HSPG2: variants seen among roughly 807,000 people sequenced by gnomAD.
HSPG2 encodes heparan sulfate proteoglycan 2.
In HSPG2, 278 loss-of-function variants were observed where a neutral mutation model predicts 526.6. The ratio of observed to expected loss-of-function variants is 0.53; its 90% CI spans 0.48 to 0.58. The LOEUF is 0.58. Ranked by LOEUF, HSPG2 falls within the 20% of genes least tolerant of loss-of-function variation. The probability of loss-of-function intolerance (pLI) is 0.00; values close to 1 mark genes in which losing one functional copy is unlikely to be tolerated. For missense variants in HSPG2, 5,354 were observed against 6,099.5 expected (o/e 0.88, Z 4.07); for synonymous variants, 2,465 against 2,555.4 (o/e 0.96, Z 1.07).
chr1:21,857,240 C>T (rs889758267), intron 43 of HSPG2, 45 bp from the exon 44 acceptor site: 43 of 1,613,770 alleles, frequency 2.7e-5, no homozygotes, highest in Non-Finnish European at 3.2e-5. Context: ...GCTCAGAGAC[C>T]CCAGAAGACA....
At position 21,890,680 on chromosome 1, in the gene HSPG2, G is replaced by T; in HGVS notation, c.259C>A (p.Leu87Met). The stretch of plus-strand genomic sequence containing the variant: ...TCGATGGAGCGAGTGAAATTCACCA[G>T]GGCTCGGAAATAAACTGGAAAATCG... ...GDFQMVYFRALVNFTRSIEYS... is the reference protein window; with the variant it reads ...GDFQMVYFRAMVNFTRSIEYS... Residue 87 changes from leucine to methionine, a missense_variant, in exon 4 of 97, where the codon CTG becomes ATG. Coordinates refer to ENST00000374695, the MANE Select transcript of HSPG2 (RefSeq NM_005529.7). The surrounding 1 kb of genome is among the most constrained non-coding windows in gnomAD (Gnocchi z 4.1). The T allele has an allele frequency of 6.2e-7, 1 of 1,613,558 alleles. No homozygotes were observed.
rs1185918841 is a variant in HSPG2 at position 21,847,705 on chromosome 1, A to G, written c.8009T>C (p.Leu2670Pro). 3.1e-6 allele frequency: 5 copies of G among 1,609,598 alleles called. No homozygotes were observed. In the African/African-American group the frequency reaches 5.4e-5, roughly 17 times the overall value. ...ACTCTGTACCTGGTGTCGGGAGGGAAGGCTGCCCCCACGCTTGTACCATGT... is the reference window on the plus strand; with the variant it reads ...ACTCTGTACCTGGTGTCGGGAGGGAGGGCTGCCCCCACGCTTGTACCATGT... The part of the protein sequence containing the change: ...IITWYKRGGS[L>P]PSRHQTHGSH... Residue 2670 changes from leucine to proline, a missense_variant, in exon 61 of 97, where the codon CTT becomes CCT. Coordinates refer to ENST00000374695, the MANE Select transcript of HSPG2 (RefSeq NM_005529.7). The surrounding 1 kb of genome is among the most constrained non-coding windows in gnomAD (Gnocchi z 4.1).
Position 21,824,600 on chromosome 1 carries a change from G to A in HSPG2, c.12681C>T (p.Pro4227=), listed in dbSNP as rs201084549. 7.4e-6 allele frequency: 12 copies of A among 1,613,882 alleles called. No homozygotes were observed. Among genetic ancestry groups the A allele is most frequent in the East Asian group, 4.5e-5 (2 of 44,900 alleles). Residue 4227 remains proline, a synonymous_variant, in exon 93 of 97, where the codon CCC becomes CCT. Transcript: ENST00000374695. This position sits in a 1 kb window ranked among gnomAD's most constrained non-coding sequence, Gnocchi z 5.9. ...HVFSRSLPEV[P]ETIELEVRTS... ...TCCGAACCTCCAGCTCGATGGTCTC[G>A]GGCACCTCGGGCAGGCTGCGGAGGA... is the stretch of plus-strand genomic sequence containing the variant.
At position 21,832,509 on chromosome 1, in the gene HSPG2, TC is replaced by T; in HGVS notation, c.11192del (p.Gly3731GlufsTer30). On this transcript the variant is annotated frameshift_variant, in exon 81 of 97. Transcript: ENST00000374695. LOFTEE classifies it high-confidence loss of function. ...GGGGGTCTCACCGGAACTCGGGCCT[TC>T]CCCCCACGAGGCCGAAGGAGATGAA... ...PDFISFGLVG[G>X]RPEFRFDAGS... 1 of 1,613,716 alleles carries T rather than the reference TC, an allele frequency of 6.2e-7. No homozygotes were observed. Among genetic ancestry groups the T allele is most frequent in the Non-Finnish European group, 8.5e-7 (1 of 1,179,698 alleles).
In HSPG2 at chr1:21,833,582, C is replaced by T. The variant is rs576324046; in HGVS notation, c.10863G>A (p.Leu3621=). Residue 3621 remains leucine (L), a synonymous_variant, in exon 79 of 97, where the codon CTG becomes CTA. Coordinates refer to ENST00000374695, the MANE Select transcript of HSPG2 (RefSeq NM_005529.7). ...AGGGCAGCATCAGCATGTTGTTCTC[C>T]AGGCGGCTGTCAGGTGGCAGGCTGC... ...LDGSLPPDSR[L]ENNMLMLPSV... 131 of 1,614,076 alleles carry T rather than the reference C, an allele frequency of 8.1e-5. No individual in the cohort carries two copies. In the East Asian group the frequency reaches 2.9e-3, roughly 36 times the overall value.
intron 49 of HSPG2, 117 bp from the exon 50 acceptor site, chr1:21,854,460 C>G: frequency 6.8e-7 from 1 of 1,465,886 alleles, no homozygotes; most frequent in Non-Finnish European, 9.2e-7. Flanking sequence ...CCATCCCATG[C>G]TAGAAACTGG....
Position 21,859,708 on chromosome 1 carries a change from CAG to C in HSPG2, c.5183-34_5183-33del, listed in dbSNP as rs746743196. The C allele has an allele frequency of 1.3e-6, 2 of 1,587,862 alleles. No individual in the cohort carries two copies. The highest frequency in any genetic ancestry group is 1.7e-6 in the Non-Finnish European group (2 of 1,165,440). ...GGGAGGAGACAAGAGCTTGTTGGTG[CAG>C]ATACACTCTTTCTCACATCCAGCCC... On this transcript the variant is annotated intron_variant, in intron 41 of 96. Coordinates refer to ENST00000374695, the MANE Select transcript of HSPG2 (RefSeq NM_005529.7). This position sits in a 1 kb window ranked among gnomAD's most constrained non-coding sequence, Gnocchi z 5.3.
intron 3 of HSPG2, among the ~76,000 whole-genome samples, chr1:21,894,397 G>A (rs1330985456): frequency 6.6e-6 from 1 of 152,106 alleles, no homozygotes; most frequent in East Asian, 1.9e-4. Context: ...GGGACCCCAG[G>A]ATCAGGGAGG....
chr1:21,824,502 G>A lies in HSPG2; in HGVS notation c.12744+35C>T, dbSNP rs374952895. The A allele has an allele frequency of 1.2e-6, 2 of 1,610,196 alleles. No homozygotes were observed. Among genetic ancestry groups the A allele is most frequent in the Non-Finnish European group, 1.7e-6 (2 of 1,178,320 alleles). On this transcript the variant is annotated intron_variant, in intron 93 of 96. Coordinates refer to ENST00000374695, the MANE Select transcript of HSPG2 (RefSeq NM_005529.7). This position sits in a 1 kb window ranked among gnomAD's most constrained non-coding sequence, Gnocchi z 5.9. Reference sequence around the variant, plus strand: ...CCAGGAAGCCAGCTTCCTGCCCCAGGAGCCCCAAGAGCCCAGCCGGATACC... The same window carrying A: ...CCAGGAAGCCAGCTTCCTGCCCCAGAAGCCCCAAGAGCCCAGCCGGATACC...
At chr1:21,884,191 G>C (rs1003517403) in intron 13 of HSPG2, among the ~76,000 whole-genome samples, 1 of 152,064 alleles carries the variant, frequency 6.6e-6, no homozygotes, top group Non-Finnish European at 1.5e-5. Context: ...CACACCCCCC[G>C]ACTTTACAGA....
rs1461895766 is a variant in HSPG2 at position 21,842,848 on chromosome 1, C to G, written c.8832G>C (p.Leu2944=). 6.2e-7 allele frequency: 1 copy of G among 1,614,124 alleles called. No homozygotes were observed. The highest frequency in any genetic ancestry group is 8.5e-7 in the Non-Finnish European group (1 of 1,180,034). Residue 2944 remains leucine (L), a synonymous_variant, in exon 67 of 97, where the codon CTG becomes CTC. Transcript: ENST00000374695. ...SHVTEGQTLD[L]NCVVPGQAHA... is the part of the protein sequence containing the mutation. ...GGGCCTGCCCGGGCACCACACAGTT[C>G]AGATCCAGAGTCTGCCCTTCAGTCA...
chr1:21,889,900 G>T, intron 6 of HSPG2, 81 bp downstream of exon 6: 2 of 1,454,092 alleles, frequency 1.4e-6, no homozygotes, highest in Admixed American at 1.7e-5. Flanking sequence ...GCAAGCCCAA[G>T]TTGGGAGCCT....
chr1:21,830,422 C>A (rs988099973), intron 85 of HSPG2: 7 of 384,882 alleles, frequency 1.8e-5, no homozygotes, highest in Non-Finnish European at 3.4e-5. Context: ...CGTGGGGGCT[C>A]ATGCCTGTAA....
At position 21,839,896 on chromosome 1, in the gene HSPG2, G is replaced by A. The variant is rs1019470854; in HGVS notation, c.9635C>T (p.Pro3212Leu). ...CTCAGCTTCTTCAGCTTGGACCTGAGGGGCCCCTGGGGCCATGGCGCCCGT... is the reference window on the plus strand; with the variant it reads ...CTCAGCTTCTTCAGCTTGGACCTGAAGGGCCCCTGGGGCCATGGCGCCCGT... ...VDTGAMAPGA[P>L]QVQAEEAELT... The change falls in exon 72 of 97, where the codon CCT (proline) becomes CTT (leucine). Residue 3212 changes from proline (P) to leucine (L), a missense_variant. Pro to Leu is a moderately conservative substitution (Grantham distance 98). Coordinates refer to ENST00000374695, the MANE Select transcript of HSPG2 (RefSeq NM_005529.7). The surrounding 1 kb of genome is among the most constrained non-coding windows in gnomAD (Gnocchi z 4.5). The A allele has an allele frequency of 6.2e-7, 1 of 1,613,966 alleles. No homozygotes were observed. The highest frequency in any genetic ancestry group is 8.5e-7 in the Non-Finnish European group (1 of 1,179,990).
At position 21,863,407 on chromosome 1, in the gene HSPG2, G is replaced by A. The variant is rs1327615956; in HGVS notation, c.4740+693C>T. 7.9e-5 allele frequency among the ~76,000 whole-genome samples: 12 copies of A among 151,690 alleles called. No individual in the cohort carries two copies. The East Asian group carries it at 1.9e-3, about 24-fold the overall frequency. Reference sequence around the variant, plus strand: ...GAAAAAGAAAAGAAAAAGAAAATACGTGCATCCTCATAAAAACATGTGGGT... The same window carrying A: ...GAAAAAGAAAAGAAAAAGAAAATACATGCATCCTCATAAAAACATGTGGGT... On this transcript the variant is annotated intron_variant, in intron 37 of 96. Coordinates refer to ENST00000374695, the MANE Select transcript of HSPG2 (RefSeq NM_005529.7).
intron 1 of HSPG2, among the ~76,000 whole-genome samples, chr1:21,930,979 C>A (rs766005258): frequency 2.0e-5 from 3 of 152,186 alleles, no homozygotes; most frequent in Non-Finnish European, 4.4e-5. Context: ...GGGAATGGGC[C>A]CTGGTCAGGA....
At position 21,832,559 on chromosome 1, in the gene HSPG2, T is replaced by C. The variant is rs1365918759; in HGVS notation, c.11143A>G (p.Asn3715Asp). The C allele has an allele frequency of 3.7e-6, 6 of 1,614,072 alleles. No individual in the cohort carries two copies. The African/African-American group carries it at 8.0e-5, about 22-fold the overall frequency. The change falls in exon 81 of 97, where the codon AAC (asparagine) becomes GAC (aspartate). Residue 3715 changes from asparagine (N) to aspartate (D), a missense_variant. By Grantham distance (23) the Asn-to-Asp change is conservative. Transcript: ENST00000374695. ...AAGTCGGGCTGCCGGTTGGCCAGGT[T>C]GGTGGGGCTCCCTGGGACTCGCTTC... ...GQKRVPGSPT[N>D]LANRQPDFIS...
chr1:21,833,658 C>T (rs1457873958), intron 78 of HSPG2, 44 bp from the exon 79 acceptor site: 1 of 1,611,738 alleles, frequency 6.2e-7, no homozygotes, highest in Admixed American at 1.7e-5. Context: ...TGGCCCACGG[C>T]TCCAGGGGCC....
chr1:21,867,649 G>A (rs147880693), intron 33 of HSPG2, among the ~76,000 whole-genome samples: 6 of 152,140 alleles, frequency 3.9e-5, no homozygotes, highest in African/African-American at 9.6e-5. Context: ...CTCCACCCTC[G>A]GCTCCAGCAG....
Sources: allele counts gnomAD v4.1 joint callset (sites outside exome capture counted in the v4.1 genomes callset), GRCh38; gene constraint gnomAD v4.1.1; non-coding constraint Gnocchi (gnomAD v3.1); transcripts MANE v1.5; gene names NCBI Gene and HGNC (gene_info 2026-07-23, HGNC 2026-07-21).